NUMB: variants seen among roughly 807,000 people sequenced by gnomAD.
The protein encoded by NUMB is NUMB endocytic adaptor protein.
In NUMB, 29 loss-of-function variants were observed where a neutral mutation model predicts 59.7. The ratio of observed to expected loss-of-function variants is 0.49; its 90% CI spans 0.36 to 0.66. The LOEUF (loss-of-function observed/expected upper bound fraction) is 0.66, where lower values mean the gene tolerates loss of function less well. Ranked by LOEUF, NUMB falls within the 30% of genes least tolerant of loss-of-function variation. The pLI, the probability that NUMB is intolerant of heterozygous loss-of-function variation, is 0.00. For synonymous variants in NUMB, 288 were observed against 288.2 expected (o/e 1.00, Z 0.01); for missense variants, 723 against 822.0 (o/e 0.88, Z 1.47).
In NUMB at chr14:73,426,857, C is replaced by T. The variant is rs145896047; in HGVS notation, c.-232-16789G>A. On this transcript the variant is annotated intron_variant, in intron 1 of 12. Transcript: ENST00000555238. ...GCGAGACTCCATCTCAAAACAACAA[C>T]AAAAAAATTAGCCAGGCATGGTGGC... Among the ~76,000 whole-genome samples the T allele has an allele frequency of 6.9e-3, 1,035 of 151,068 alleles. 5 individuals carry two copies. Among genetic ancestry groups the T allele is most frequent in the South Asian group, 0.03 (141 of 4,752 alleles).
intron 2 of NUMB, among the ~76,000 whole-genome samples, chr14:73,373,766 G>A (rs900341626): frequency 4.7e-5 from 7 of 149,738 alleles, no homozygotes; most frequent in Admixed American, 2.0e-4. Flanking sequence ...TGCAGTGCAG[G>A]ATCACAGCTC....
At chr14:73,327,957 T>C (rs144277011) in intron 4 of NUMB, among the ~76,000 whole-genome samples, 2 of 152,258 alleles carry the variant, frequency 1.3e-5, no homozygotes, top group African/African-American at 2.4e-5. Context: ...CTGTTTTCTA[T>C]TCCTATAATT....
At chr14:73,330,822 A>G (rs1334485266) in intron 4 of NUMB, among the ~76,000 whole-genome samples, 1 of 152,226 alleles carries the variant, frequency 6.6e-6, no homozygotes, top group Non-Finnish European at 1.5e-5. Context: ...TATTTACTAC[A>G]GGAATTGGCC....
chr14:73,414,855 G>A (rs1407073359), intron 1 of NUMB, among the ~76,000 whole-genome samples: 2 of 152,140 alleles, frequency 1.3e-5, no homozygotes, highest in African/African-American at 4.8e-5. Flanking sequence ...GAGTAGCTGG[G>A]ACTACAGGCG....
At chr14:73,377,563 C>A (rs1895012124) in intron 2 of NUMB, among the ~76,000 whole-genome samples, 1 of 152,186 alleles carries the variant, frequency 6.6e-6, no homozygotes, top group Non-Finnish European at 1.5e-5. Context: ...TCACTTGAAC[C>A]CTGGAGGTGG....
chr14:73,337,126 ACT>A (rs943120711), intron 4 of NUMB, among the ~76,000 whole-genome samples: 2 of 151,454 alleles, frequency 1.3e-5, no homozygotes, highest in African/African-American at 4.9e-5. Context: ...AAAAAGCAAG[ACT>A]CTGTCTTTAA....
intron 2 of NUMB, among the ~76,000 whole-genome samples, chr14:73,374,733 T>C (rs911424940): frequency 2.7e-5 from 4 of 148,882 alleles, no homozygotes; most frequent in Admixed American, 6.7e-5. Context: ...TTTTTTTTTT[T>C]TTTTTTTGAG....
Position 73,302,405 on chromosome 14 carries a change from C to CT in NUMB, c.235-5121dup, listed in dbSNP as rs71112726. On this transcript the variant is annotated intron_variant, in intron 6 of 12. Transcript: ENST00000555238. ...CTATAGTTGCAATACTTCCACATTT[C>CT]TTTTTTTTTTTTTTTTTTTTGAGAC... 3.1e-3 allele frequency among the ~76,000 whole-genome samples: 359 copies of CT among 115,008 alleles called. 2 individuals are homozygous for CT. Among genetic ancestry groups the CT allele is most frequent in the East Asian group, 7.5e-3 (27 of 3,620 alleles). 75.4% of individuals were successfully genotyped at this position (115,008 alleles called of 152,430 possible).
intron 5 of NUMB, among the ~76,000 whole-genome samples, chr14:73,319,426 G>A (rs1308276075): frequency 6.6e-6 from 1 of 152,164 alleles, no homozygotes; most frequent in East Asian, 1.9e-4. Context: ...GTACATCTGA[G>A]CTATTCTTTA....
At chr14:73,357,507 C>G (rs112666550) in intron 3 of NUMB, among the ~76,000 whole-genome samples, 7,828 of 151,816 alleles carry the variant, frequency 0.052, 654 homozygotes, top group African/African-American at 0.18. Context: ...GTGTGTAATC[C>G]CAGCACTTTC....
Position 73,276,374 on chromosome 14 carries a change from G to A in NUMB, c.*204C>T. ...TTTCCTTGACTTCTTTAGCCTAATTGCAAGGCAGCTTTTCTCTAGGAATGC... is the reference window on the plus strand; with the variant it reads ...TTTCCTTGACTTCTTTAGCCTAATTACAAGGCAGCTTTTCTCTAGGAATGC... On this transcript the variant is annotated 3_prime_UTR_variant, in exon 13 of 13. Transcript: ENST00000555238. 1 of 538,456 alleles carries A rather than the reference G, an allele frequency of 1.9e-6. No homozygotes were observed. The allele number at this position is 538,456 out of a possible 1,614,324, so 33.4% of individuals were successfully genotyped here. A position where few individuals can be genotyped will look rare whatever the true frequency, so the allele number is the denominator to read the frequency against.
chr14:73,439,366 A>G (rs1882855207), intron 1 of NUMB, among the ~76,000 whole-genome samples: 1 of 152,216 alleles, frequency 6.6e-6, no homozygotes, highest in South Asian at 2.1e-4. Flanking sequence ...TGACTATTAA[A>G]AACAGGGGGA....
intron 1 of NUMB, among the ~76,000 whole-genome samples, chr14:73,456,114 T>TTA (rs895019530): frequency 1.3e-5 from 2 of 151,456 alleles, no homozygotes; most frequent in African/African-American, 4.9e-5. Flanking sequence ...AAAAAACCTT[T>TTA]TTTTTTTTTT....
intron 1 of NUMB, among the ~76,000 whole-genome samples, chr14:73,447,036 A>C (rs148307782): frequency 8.2e-4 from 124 of 151,854 alleles, no homozygotes; most frequent in African/African-American, 2.7e-3. Flanking sequence ...AAATACAAAA[A>C]ATTAGCTGGG....
At chr14:73,321,449 G>A (rs933100937) in intron 5 of NUMB, among the ~76,000 whole-genome samples, 4 of 152,090 alleles carry the variant, frequency 2.6e-5, no homozygotes, top group African/African-American at 9.7e-5. Flanking sequence ...GTGTTGCCCA[G>A]GTTGGTCTCA....
chr14:73,457,599 G>A (rs1884482671), intron 1 of NUMB: 1 of 152,212 alleles, frequency 6.6e-6, no homozygotes, highest in Non-Finnish European at 1.5e-5. Context: ...TCCGACCGAG[G>A]GAACTTCCAC....
At chr14:73,278,661 C>A (rs1026862642) in intron 12 of NUMB, among the ~76,000 whole-genome samples, 1 of 150,132 alleles carries the variant, frequency 6.7e-6, no homozygotes, top group Non-Finnish European at 1.5e-5. Context: ...CCTCTTTCTA[C>A]AGGAATGTCT....
chr14:73,433,849 G>GGAGGCC (rs1197317602), intron 1 of NUMB, among the ~76,000 whole-genome samples: 3 of 152,174 alleles, frequency 2.0e-5, no homozygotes, highest in African/African-American at 7.2e-5. Context: ...CAGCACTTTG[G>GGAGGCC]GAGGCCGAGG....
Position 73,282,393 on chromosome 14 carries a change from C to G in NUMB, c.1062G>C (p.Val354=). Residue 354 remains valine, a synonymous_variant, in exon 11 of 13, where the codon GTG becomes GTC. Transcript: ENST00000555238. ...TAGGAGATTGTGGTGCCACCACTGT[C>G]ACTGGTTTGGTCATCGGAGCAGATG... ...PFSSAPMTKP[V]TVVAPQSPTF... is the part of the protein sequence containing the mutation. 6.2e-7 allele frequency: 1 copy of G among 1,614,176 alleles called. No individual in the cohort carries two copies. Among genetic ancestry groups the G allele is most frequent in the Non-Finnish European group, 8.5e-7 (1 of 1,180,036 alleles).
Sources: gnomAD v4.1 joint callset for allele counts (sites outside exome capture counted in the v4.1 genomes callset) on GRCh38, gnomAD v4.1.1 for gene constraint, MANE v1.5 for transcripts, NCBI Gene and HGNC (gene_info 2026-07-23, HGNC 2026-07-21) for gene names.